Variants in ZNF277 observed in about 807,000 individuals in gnomAD.
ZNF277 encodes the protein zinc finger protein 277.
A neutral mutation model predicts 60.7 loss-of-function variants in ZNF277; 55 were observed. That is an observed-to-expected ratio of 0.91 (90% CI 0.73 to 1.13). ZNF277 has a LOEUF of 1.13. Among genes scored for constraint, ZNF277 ranks in the 50% most tolerant of loss-of-function variants. The pLI, the probability that ZNF277 is intolerant of heterozygous loss-of-function variation, is 0.00. For missense variants in ZNF277, 510 were observed against 523.0 expected, an observed-to-expected ratio of 0.98 and a Z score of 0.24; for synonymous variants, 178 against 179.3, an observed-to-expected ratio of 0.99 and a Z score of 0.06.
At chr7:112,287,308 G>A (rs978917080) in intron 2 of ZNF277, 10 of 522,200 alleles carry the variant, frequency 1.9e-5, no homozygotes, top group Non-Finnish European at 1.0e-5. Flanking sequence ...CCATGAGTTC[G>A]AGGCTGCAGT....
intron 11 of ZNF277, 111 bp from the exon 12 acceptor site, chr7:112,342,449 TG>T (rs1223165652): frequency 1.1e-6 from 1 of 920,108 alleles, no homozygotes; most frequent in African/African-American, 1.7e-5. Context: ...CAAAATGCTA[TG>T]AAATTGTTGG....
intron 7 of ZNF277, among the ~76,000 whole-genome samples, chr7:112,330,804 G>A (rs1047683230): frequency 1.3e-5 from 2 of 151,962 alleles, no homozygotes; most frequent in African/African-American, 4.8e-5. Flanking sequence ...GGCTGGTCTC[G>A]AACTCCTGGC....
At chr7:112,259,205 TAATAA>T (rs539978201) in intron 1 of ZNF277, among the ~76,000 whole-genome samples, 18 of 152,114 alleles carry the variant, frequency 1.2e-4, no homozygotes, top group African/African-American at 2.4e-5. Context: ...CCCCCAAATA[TAATAA>T]AATAAAATAC....
At chr7:112,307,514 A>C (rs1210561284) in intron 4 of ZNF277, among the ~76,000 whole-genome samples, 1 of 151,916 alleles carries the variant, frequency 6.6e-6, no homozygotes, top group Admixed American at 6.6e-5. Context: ...TCCTGGTTTC[A>C]AGGGATTCTC....
intron 1 of ZNF277, among the ~76,000 whole-genome samples, chr7:112,238,860 T>C (rs1790871632): frequency 6.6e-6 from 1 of 151,880 alleles, no homozygotes; most frequent in Admixed American, 6.6e-5. Context: ...GAATAAGTTA[T>C]TTAGTGGTGG....
At chr7:112,319,651 A>AT (rs1792929337) in intron 5 of ZNF277, among the ~76,000 whole-genome samples, 1 of 147,674 alleles carries the variant, frequency 6.8e-6, no homozygotes, top group African/African-American at 2.5e-5. Flanking sequence ...TAATTTATAA[A>AT]TTATATAATA....
chr7:112,234,258 A>G (rs1484620932), intron 1 of ZNF277, among the ~76,000 whole-genome samples: 3 of 152,166 alleles, frequency 2.0e-5, no homozygotes, highest in African/African-American at 7.2e-5. Flanking sequence ...TTGTCCATTT[A>G]TGCTACTCTA....
intron 1 of ZNF277, among the ~76,000 whole-genome samples, chr7:112,217,928 A>C (rs1004732984): frequency 6.6e-6 from 1 of 152,084 alleles, no homozygotes; most frequent in Non-Finnish European, 1.5e-5. Context: ...CCAGAAACTG[A>C]CTTAGCGCAA....
chr7:112,243,754 A>G (rs1049714798), intron 1 of ZNF277, among the ~76,000 whole-genome samples: 11 of 152,054 alleles, frequency 7.2e-5, no homozygotes, highest in Admixed American at 7.2e-4. Flanking sequence ...AACATTTGTC[A>G]AAGAATTAAA....
At chr7:112,275,297 C>G (rs1403734098) in intron 1 of ZNF277, among the ~76,000 whole-genome samples, 3 of 152,160 alleles carry the variant, frequency 2.0e-5, no homozygotes, top group African/African-American at 7.2e-5. Context: ...AGTCCTGGCC[C>G]TATCAAAGTA....
Position 112,336,143 on chromosome 7 carries a change from G to T in ZNF277, c.841G>T (p.Asp281Tyr). The T allele has an allele frequency of 5.0e-6, 8 of 1,610,944 alleles. No individual in the cohort carries two copies. The highest frequency in any genetic ancestry group is 6.8e-6 in the Non-Finnish European group (8 of 1,178,324). The change falls in exon 8 of 12, where the codon GAT (aspartate) becomes TAT (tyrosine). Residue 281 changes from aspartate to tyrosine, a missense_variant. By Grantham distance (160) the Asp-to-Tyr change is radical (BLOSUM62 -3). Coordinates refer to ENST00000361822, the MANE Select transcript of ZNF277 (RefSeq NM_021994.3). Reference protein sequence around the residue: ...KSWEEVQLEDDRELLDHQEDD... With the variant: ...KSWEEVQLEDYRELLDHQEDD... Reference sequence around the variant, plus strand: ...GTGGGAAGAAGTTCAGTTGGAAGATGATCGGGAGTTGCTGGACCATCAGGA... The same window carrying T: ...GTGGGAAGAAGTTCAGTTGGAAGATTATCGGGAGTTGCTGGACCATCAGGA...
chr7:112,210,558 G>A (rs1821716023), intron 1 of ZNF277, among the ~76,000 whole-genome samples: 1 of 147,162 alleles, frequency 6.8e-6, no homozygotes, highest in South Asian at 2.2e-4. Flanking sequence ...TGCAACCTCC[G>A]CCTCCCGGGT....
intron 7 of ZNF277, among the ~76,000 whole-genome samples, chr7:112,335,608 T>G (rs1429764320): frequency 6.6e-6 from 1 of 152,178 alleles, no homozygotes; most frequent in Non-Finnish European, 1.5e-5. Flanking sequence ...AAAAAACCTT[T>G]TGAGGTAGAA....
chr7:112,236,053 G>A (rs1587102202), intron 1 of ZNF277, among the ~76,000 whole-genome samples: 1 of 152,018 alleles, frequency 6.6e-6, no homozygotes, highest in African/African-American at 2.4e-5. Context: ...CATATATGTG[G>A]GGTTTACATC....
At chr7:112,252,159 T>C (rs1791213150) in intron 1 of ZNF277, among the ~76,000 whole-genome samples, 1 of 152,232 alleles carries the variant, frequency 6.6e-6, no homozygotes, top group South Asian at 2.1e-4. Context: ...CCCCATTATT[T>C]ATGTTTTTCT....
chr7:112,315,100 T>C (rs1235730616), intron 4 of ZNF277, among the ~76,000 whole-genome samples: 1 of 152,104 alleles, frequency 6.6e-6, no homozygotes, highest in Non-Finnish European at 1.5e-5. Flanking sequence ...ATCTGGTATC[T>C]GGTAAGCTCA....
chr7:112,270,600 C>T (rs1032353409), intron 1 of ZNF277, among the ~76,000 whole-genome samples: 1 of 152,018 alleles, frequency 6.6e-6, no homozygotes. Context: ...CTCAAAGGAA[C>T]ATATATTAAT....
intron 5 of ZNF277, among the ~76,000 whole-genome samples, chr7:112,320,749 C>G (rs2117115753): frequency 6.6e-6 from 1 of 151,982 alleles, no homozygotes; most frequent in East Asian, 1.9e-4. Context: ...CATTGTAGTA[C>G]TTAATTCGTG....
chr7:112,277,169 C>T (rs1279723566), intron 1 of ZNF277, among the ~76,000 whole-genome samples: 3 of 148,414 alleles, frequency 2.0e-5, no homozygotes, highest in East Asian at 2.0e-4. Context: ...CTGCAAGCTC[C>T]GCCTCCCAGG....
Sources: gnomAD v4.1 joint callset for allele counts (sites outside exome capture counted in the v4.1 genomes callset) on GRCh38, gnomAD v4.1.1 for gene constraint, MANE v1.5 for transcripts, NCBI Gene and HGNC (gene_info 2026-07-23, HGNC 2026-07-21) for gene names.